The following HDAC9 variants were observed in gnomAD, a reference collection of about 807,000 sequenced individuals.
HDAC9 encodes MEF-2 interacting transcription repressor (MITR) protein.
HDAC9 carries 41 observed loss-of-function variants against 139.4 expected under a neutral mutation model. The observed-to-expected ratio is 0.29, with a 90% confidence interval of 0.23 to 0.38. The LOEUF (loss-of-function observed/expected upper bound fraction) is 0.38. Ranked by LOEUF, HDAC9 falls within the 10% of genes least tolerant of loss-of-function variation. HDAC9 has a pLI of 1.00. For synonymous variants in HDAC9, 517 were observed against 476.2 expected (o/e 1.09, Z -1.12); for missense variants, 1,147 against 1,297.0 (o/e 0.88, Z 1.78).
At chr7:18,991,439 C>T (rs550755637) in intron 25 of HDAC9, among the ~76,000 whole-genome samples, 14 of 152,242 alleles carry the variant, frequency 9.2e-5, no homozygotes, top group Admixed American at 3.3e-4. Context: ...AGATCAAGAC[C>T]ATCCTGGCTA....
chr7:18,433,257 G>C (rs114619199), intron 1 of HDAC9, among the ~76,000 whole-genome samples: 1 of 152,084 alleles, frequency 6.6e-6, no homozygotes, highest in Admixed American at 6.5e-5. Context: ...AATAACAAGA[G>C]CATCTGTGAC....
intron 1 of HDAC9, among the ~76,000 whole-genome samples, chr7:18,398,558 T>G (rs1787261331): frequency 6.6e-6 from 1 of 152,164 alleles, no homozygotes; most frequent in African/African-American, 2.4e-5. Flanking sequence ...ACTTTATAGT[T>G]CCTTAGATTG....
chr7:18,451,447 G>A (rs559929555), intron 1 of HDAC9, among the ~76,000 whole-genome samples: 19 of 149,486 alleles, frequency 1.3e-4, no homozygotes, highest in South Asian at 2.1e-4. Context: ...GTGTGTGTGT[G>A]TATATGTATA....
intron 2 of HDAC9, among the ~76,000 whole-genome samples, chr7:18,582,302 G>A (rs13234273): frequency 0.092 from 14,012 of 152,114 alleles, 670 homozygotes; most frequent in South Asian, 0.16. Context: ...TCATATTTCC[G>A]TCTAAAATAC....
intron 11 of HDAC9, among the ~76,000 whole-genome samples, chr7:18,657,790 G>A (rs1198528715): frequency 1.3e-5 from 2 of 152,084 alleles, no homozygotes; most frequent in Non-Finnish European, 2.9e-5. Context: ...ACCAAATCAT[G>A]TTATGGTTAA....
intron 2 of HDAC9, among the ~76,000 whole-genome samples, chr7:18,541,886 C>T (rs940964152): frequency 1.3e-5 from 2 of 152,154 alleles, no homozygotes; most frequent in Non-Finnish European, 2.9e-5. Context: ...AAATCTTTCT[C>T]TCTGGCCTAG....
At chr7:18,359,775 A>G (rs1428004964) in intron 1 of HDAC9, among the ~76,000 whole-genome samples, 5 of 152,078 alleles carry the variant, frequency 3.3e-5, no homozygotes, top group African/African-American at 1.2e-4. Flanking sequence ...TGCCCAGCTA[A>G]CTTTTGTATT....
intron 1 of HDAC9, among the ~76,000 whole-genome samples, chr7:18,381,015 T>A (rs1008726241): frequency 3.3e-5 from 5 of 151,646 alleles, no homozygotes; most frequent in African/African-American, 1.2e-4. Context: ...CAGGCCAACA[T>A]GGAGAAACCC....
At chr7:18,906,029 TTC>T (rs527395966) in intron 22 of HDAC9, among the ~76,000 whole-genome samples, 4 of 151,744 alleles carry the variant, frequency 2.6e-5, no homozygotes, top group South Asian at 4.2e-4. Flanking sequence ...TTTGCTTTCT[TTC>T]TCTCTCTCTT....
At chr7:18,450,880 A>C (rs1444527251) in intron 1 of HDAC9, among the ~76,000 whole-genome samples, 2 of 152,210 alleles carry the variant, frequency 1.3e-5, no homozygotes, top group Non-Finnish European at 2.9e-5. Context: ...ATGCAACAAG[A>C]CATAGAAAAT....
Position 18,666,431 on chromosome 7 carries a change from G to C in HDAC9, c.1686G>C (p.Gln562His). 2 of 1,612,202 alleles carry C rather than the reference G, an allele frequency of 1.2e-6. No homozygotes were observed. Among genetic ancestry groups the C allele is most frequent in the African/African-American group, 1.3e-5 (1 of 74,998 alleles). ...CAGTGGACAGTGATGAAGATGCTCA[G>C]ATCCAGGAAATGGAATCTGGGGAGC... The part of the protein sequence containing the change: ...EEPVDSDEDA[Q>H]IQEMESGEQA... Residue 562 changes from glutamine to histidine, a missense_variant, in exon 12 of 26, where the codon CAG (glutamine) becomes CAC (histidine). Coordinates refer to ENST00000686413, the MANE Select transcript of HDAC9 (RefSeq NM_178425.4).
chr7:18,617,452 C>T (rs1167085905), intron 6 of HDAC9, among the ~76,000 whole-genome samples: 1 of 152,176 alleles, frequency 6.6e-6, no homozygotes, highest in Non-Finnish European at 1.5e-5. Context: ...AAGCCATTCT[C>T]ATCTGGTTTT....
At chr7:18,881,403 C>G (rs1393225017) in intron 22 of HDAC9, among the ~76,000 whole-genome samples, 1 of 152,058 alleles carries the variant, frequency 6.6e-6, no homozygotes, top group Non-Finnish European at 1.5e-5. Context: ...GGTGCAGATA[C>G]TCAATAAAAG....
chr7:18,920,794 A>C (rs186793685), intron 22 of HDAC9, among the ~76,000 whole-genome samples: 1 of 152,120 alleles, frequency 6.6e-6, no homozygotes, highest in Non-Finnish European at 1.5e-5. Context: ...GCTGGATTAC[A>C]TTTATTGATT....
At chr7:18,235,058 G>A (rs1295417637) in intron 2 of HDAC9, among the ~76,000 whole-genome samples, 1 of 152,024 alleles carries the variant, frequency 6.6e-6, no homozygotes, top group Non-Finnish European at 1.5e-5. Flanking sequence ...TCTTCTTAGG[G>A]GTAGGGCTCT....
chr7:18,285,035 A>G (rs1469597618), intron 2 of HDAC9, among the ~76,000 whole-genome samples: 1 of 152,178 alleles, frequency 6.6e-6, no homozygotes, highest in East Asian at 1.9e-4. Context: ...ATTAAAATCC[A>G]CTAAACCAAA....
At chr7:18,330,754 C>T (rs1213590892) in intron 1 of HDAC9, among the ~76,000 whole-genome samples, 1 of 151,712 alleles carries the variant, frequency 6.6e-6, no homozygotes, top group Non-Finnish European at 1.5e-5. Context: ...AAACTGCTGA[C>T]AGTTCCTTAA....
intron 2 of HDAC9, among the ~76,000 whole-genome samples, chr7:18,262,927 C>G (rs1795771685): frequency 8.0e-6 from 1 of 125,554 alleles, no homozygotes; most frequent in Non-Finnish European, 1.9e-5. Flanking sequence ...TAAAAGAAGG[C>G]AATAATAGAG....
chr7:18,915,779 TAAC>T (rs370992123), intron 22 of HDAC9, among the ~76,000 whole-genome samples: 352 of 151,820 alleles, frequency 2.3e-3, no homozygotes, highest in African/African-American at 8.0e-3. Flanking sequence ...ATTTTTTCCC[TAAC>T]AACAACAACA....
Sources: allele counts gnomAD v4.1 joint callset (sites outside exome capture counted in the v4.1 genomes callset), GRCh38; gene constraint gnomAD v4.1.1; transcripts MANE v1.5; gene names NCBI Gene and HGNC (gene_info 2026-07-23, HGNC 2026-07-21).